CPPED1: variants seen among roughly 807,000 people sequenced by gnomAD.
CPPED1 encodes the protein serine/threonine-protein phosphatase CPPED1.
Under a neutral mutation model 28.0 loss-of-function variants are expected in CPPED1, and 28 were observed. That is an observed-to-expected ratio of 1.00 (90% CI 0.74 to 1.37). The LOEUF is 1.37. Among genes scored for constraint, CPPED1 ranks in the 40% most tolerant of loss-of-function variants. CPPED1 has a pLI of 0.00. For synonymous variants in CPPED1, 198 were observed against 180.2 expected (o/e 1.10, Z -0.79); for missense variants, 504 against 416.5 (o/e 1.21, Z -1.83).
At chr16:12,687,608 T>C (rs1425025023) in intron 3 of CPPED1, among the ~76,000 whole-genome samples, 3 of 152,102 alleles carry the variant, frequency 2.0e-5, no homozygotes, top group Non-Finnish European at 4.4e-5. Flanking sequence ...CCATCTCTAC[T>C]AAAAATACAA....
At chr16:12,775,903 G>A (rs1321707363) in intron 2 of CPPED1, among the ~76,000 whole-genome samples, 1 of 152,174 alleles carries the variant, frequency 6.6e-6, no homozygotes, top group African/African-American at 2.4e-5. Flanking sequence ...ACAGTTCCTG[G>A]CAGATAACAG....
rs187750846 is a variant in CPPED1 at position 12,664,219 on chromosome 16, G to A, written c.*667C>T. On this transcript the variant is annotated 3_prime_UTR_variant, in exon 4 of 4. Coordinates refer to ENST00000381774, the MANE Select transcript of CPPED1 (RefSeq NM_018340.3). The surrounding 1 kb of genome is among the most constrained non-coding windows in gnomAD (Gnocchi z 4.2). ...CTCTTGGAGGAGATTTTCAGAAATG[G>A]CCAATTTATGTGCAAAGGTGACTTT... 12 of 269,070 alleles carry A rather than the reference G, an allele frequency of 4.5e-5. No homozygotes were observed. The East Asian group carries it at 2.1e-3, about 47-fold the overall frequency. The allele number at this position is 269,070 out of a possible 1,614,324, so 16.7% of individuals were successfully genotyped here. A position where few individuals can be genotyped will look rare whatever the true frequency, so the allele number is the denominator to read the frequency against.
intron 3 of CPPED1, among the ~76,000 whole-genome samples, chr16:12,679,977 A>G (rs530623195): frequency 6.6e-6 from 1 of 152,376 alleles, no homozygotes; most frequent in African/African-American, 2.4e-5. Flanking sequence ...ATGCCCAGAC[A>G]GACTTTTCTT....
chr16:12,687,616 C>T (rs34938899), intron 3 of CPPED1, among the ~76,000 whole-genome samples: 2,274 of 152,262 alleles, frequency 0.015, 50 homozygotes, highest in African/African-American at 0.051. Context: ...ACTAAAAATA[C>T]AAAAACTAGC....
At chr16:12,786,863 G>C (rs1179182164) in intron 1 of CPPED1, among the ~76,000 whole-genome samples, 1 of 152,204 alleles carries the variant, frequency 6.6e-6, no homozygotes, top group African/African-American at 2.4e-5. Flanking sequence ...AGTGAGCCGA[G>C]ATCGTGCCAC....
chr16:12,714,453 T>C (rs1353347106), intron 2 of CPPED1, among the ~76,000 whole-genome samples: 1 of 152,224 alleles, frequency 6.6e-6, no homozygotes, highest in East Asian at 1.9e-4. Context: ...ACACTTGTTA[T>C]TTTTCACCCT....
intron 2 of CPPED1, chr16:12,753,209 T>G (rs1393482690): frequency 6.6e-6 from 1 of 152,204 alleles, no homozygotes; most frequent in Non-Finnish European, 1.5e-5. Flanking sequence ...AATTCGCATG[T>G]TGAAATCCTA....
At chr16:12,716,796 A>G (rs571891430) in intron 2 of CPPED1, among the ~76,000 whole-genome samples, 2 of 152,376 alleles carry the variant, frequency 1.3e-5, no homozygotes, top group East Asian at 1.9e-4. Flanking sequence ...GCTAGGTAAC[A>G]GCATGACTGA....
chr16:12,741,234 C>T (rs866118738), intron 2 of CPPED1, among the ~76,000 whole-genome samples: 1 of 151,514 alleles, frequency 6.6e-6, no homozygotes. Context: ...ACCAGAGACA[C>T]TCAGAATGGT....
intron 2 of CPPED1, among the ~76,000 whole-genome samples, chr16:12,765,793 G>A (rs1596477052): frequency 6.6e-6 from 1 of 152,274 alleles, no homozygotes; most frequent in South Asian, 2.1e-4. Flanking sequence ...CTGGGTTCGC[G>A]AAATATATGT....
chr16:12,769,575 A>T (rs1360154102), intron 2 of CPPED1, among the ~76,000 whole-genome samples: 1 of 152,178 alleles, frequency 6.6e-6, no homozygotes, highest in Non-Finnish European at 1.5e-5. Flanking sequence ...TAGTCATATA[A>T]GGTAAATTAG....
At chr16:12,751,807 A>C (rs9940360) in intron 2 of CPPED1, among the ~76,000 whole-genome samples, 6,680 of 152,256 alleles carry the variant, frequency 0.044, 272 homozygotes, top group African/African-American at 0.11. Context: ...TAATCTTTAG[A>C]CTATTTTTGG....
chr16:12,749,896 C>T lies in CPPED1; in HGVS notation c.289+31289G>A, dbSNP rs558387049. 5.4e-4 allele frequency among the ~76,000 whole-genome samples: 82 copies of T among 152,082 alleles called. 2 individuals are homozygous for T. In the South Asian group the frequency reaches 0.016, roughly 30 times the overall value. On this transcript the variant is annotated intron_variant, in intron 2 of 3. Transcript: ENST00000381774. The stretch of plus-strand genomic sequence containing the variant: ...TGAGGCACCGCGCCTGGCAGAATCA[C>T]GAATGTTCTTAATGGCATCTAGAAT...
At chr16:12,696,949 C>T (rs552587978) in intron 3 of CPPED1, among the ~76,000 whole-genome samples, 1 of 152,244 alleles carries the variant, frequency 6.6e-6, no homozygotes, top group African/African-American at 2.4e-5. Context: ...GACGCTAATT[C>T]CCCCTGTACA....
intron 3 of CPPED1, among the ~76,000 whole-genome samples, chr16:12,666,767 T>A (rs531781025): frequency 1.3e-5 from 2 of 152,338 alleles, no homozygotes; most frequent in African/African-American, 4.8e-5. Context: ...AGTGATCAGT[T>A]TTGAGTATTT....
rs185904151 is a variant in CPPED1 at position 12,704,150 on chromosome 16, G to C, written c.715+474C>G. ...TGACTCTTAAAGATCGTCTGCCCTT[G>C]AGCAAGGTGCCTGCTTCCCAGAGAA... is the stretch of plus-strand genomic sequence containing the variant. On this transcript the variant is annotated intron_variant, in intron 3 of 3. Coordinates refer to ENST00000381774, the MANE Select transcript of CPPED1 (RefSeq NM_018340.3). 5.5e-3 allele frequency among the ~76,000 whole-genome samples: 835 copies of C among 152,268 alleles called. 5 individuals carry two copies. The highest frequency in any genetic ancestry group is 0.031 in the Middle Eastern group (9 of 292).
chr16:12,712,358 G>A (rs761896991), intron 2 of CPPED1, among the ~76,000 whole-genome samples: 7 of 152,050 alleles, frequency 4.6e-5, no homozygotes, highest in Non-Finnish European at 1.0e-4. Context: ...CCTTTCAGGG[G>A]GCAAGTAGAA....
At chr16:12,678,240 A>G (rs1214629268) in intron 3 of CPPED1, among the ~76,000 whole-genome samples, 2 of 152,232 alleles carry the variant, frequency 1.3e-5, no homozygotes, top group African/African-American at 4.8e-5. Flanking sequence ...GTGTTAGTGA[A>G]CACAAAAAAG....
chr16:12,711,412 T>A (rs12445723), intron 2 of CPPED1, among the ~76,000 whole-genome samples: 6 of 152,224 alleles, frequency 3.9e-5, no homozygotes, highest in African/African-American at 1.2e-4. Context: ...CAGATGGTGA[T>A]GATGGTTGCA....
Sources: allele counts gnomAD v4.1 joint callset (sites outside exome capture counted in the v4.1 genomes callset), GRCh38; gene constraint gnomAD v4.1.1; non-coding constraint Gnocchi (gnomAD v3.1); transcripts MANE v1.5; gene names NCBI Gene and HGNC (gene_info 2026-07-23, HGNC 2026-07-21).